Variants in SCN8A observed in about 807,000 individuals in gnomAD.
SCN8A encodes sodium voltage-gated channel alpha subunit 8.
In SCN8A, 30 loss-of-function variants were observed where a neutral mutation model predicts 184.1. That is an observed-to-expected ratio of 0.16 (90% confidence interval 0.12 to 0.22). The LOEUF (loss-of-function observed/expected upper bound fraction) is 0.22. Among genes scored for constraint, SCN8A ranks in the 10% least tolerant of loss-of-function variants. The pLI is 1.00. For synonymous variants in SCN8A, 852 were observed against 907.0 expected, an observed-to-expected ratio of 0.94 and a Z score of 1.09; for missense variants, 1,057 against 2,498.9, an observed-to-expected ratio of 0.42 and a Z score of 12.30.
chr12:51,744,400 T>C (rs1942476030), intron 12 of SCN8A, among the ~76,000 whole-genome samples: 1 of 152,180 alleles, frequency 6.6e-6, no homozygotes, highest in Non-Finnish European at 1.5e-5. Flanking sequence ...TCTTCTCTCC[T>C]TTTTCCACAG....
At chr12:51,620,621 C>A (rs1939939508) in intron 1 of SCN8A, among the ~76,000 whole-genome samples, 1 of 151,748 alleles carries the variant, frequency 6.6e-6, no homozygotes, top group South Asian at 2.1e-4. Flanking sequence ...GCAATCATTG[C>A]ATAAAACATT....
intron 12 of SCN8A, among the ~76,000 whole-genome samples, chr12:51,743,501 C>A (rs1942459366): frequency 1.3e-5 from 2 of 152,176 alleles, no homozygotes; most frequent in African/African-American, 4.8e-5. Flanking sequence ...AAGATTTGTT[C>A]TTTTTCCTCA....
intron 1 of SCN8A, among the ~76,000 whole-genome samples, chr12:51,656,325 A>G (rs2138661247): frequency 6.6e-6 from 1 of 152,330 alleles, no homozygotes; most frequent in South Asian, 2.1e-4. Context: ...GGTTTTCAAA[A>G]CTAAATGAGA....
Position 51,810,149 on chromosome 12 carries a change from C to A in SCN8A, c.*2720C>A. ...CCCTCCGCTAGCTCCTGACCCCAGCCCAGCAGGCTGTCTCCTCAGTAACAC... is the reference window on the plus strand; with the variant it reads ...CCCTCCGCTAGCTCCTGACCCCAGCACAGCAGGCTGTCTCCTCAGTAACAC... On this transcript the variant is annotated 3_prime_UTR_variant, in exon 27 of 27. Coordinates refer to ENST00000627620, the MANE Select transcript of SCN8A (RefSeq NM_001330260.2). The A allele has an allele frequency of 4.9e-6, 1 of 204,468 alleles. No individual in the cohort carries two copies. Among genetic ancestry groups the A allele is most frequent in the Non-Finnish European group, 1.0e-5 (1 of 97,302 alleles). 12.7% of individuals were successfully genotyped at this position (204,468 alleles called of 1,614,324 possible).
Position 51,702,885 on chromosome 12 carries a change from C to A in SCN8A, c.1105C>A (p.Gln369Lys). 1 of 1,602,176 alleles carries A rather than the reference C, an allele frequency of 6.2e-7. No homozygotes were observed. Among genetic ancestry groups the A allele is most frequent in the Non-Finnish European group, 8.5e-7 (1 of 1,173,688 alleles). Reference sequence around the variant, plus strand: ...CTTGGCATTATTTCGCCTTATGACCCAGGACTATTGGGAAAACTTGTATCA... The same window carrying A: ...CTTGGCATTATTTCGCCTTATGACCAAGGACTATTGGGAAAACTTGTATCA... ...AFLALFRLMTQDYWENLYQLT... is the reference protein window; with the variant it reads ...AFLALFRLMTKDYWENLYQLT... Residue 369 changes from glutamine to lysine, a missense_variant, in exon 9 of 27, where the codon CAG becomes AAG. Physicochemically the swap from Gln to Lys is moderately conservative, Grantham distance 53. This residue lies in a region of SCN8A where 27 missense variants were observed against 150.1 expected (regional missense o/e 0.18). Transcript: ENST00000627620.
intron 1 of SCN8A, among the ~76,000 whole-genome samples, chr12:51,639,257 C>A (rs1014745822): frequency 1.3e-5 from 2 of 152,074 alleles, no homozygotes; most frequent in Non-Finnish European, 2.9e-5. Flanking sequence ...GGGATTACAG[C>A]GTGCTGGGCT....
chr12:51,632,468 A>AC (rs1940217430), intron 1 of SCN8A, among the ~76,000 whole-genome samples: 1 of 151,934 alleles, frequency 6.6e-6, no homozygotes, highest in Non-Finnish European at 1.5e-5. Flanking sequence ...TTGTGGCTGT[A>AC]CTCTTATGTC....
intron 12 of SCN8A, chr12:51,722,247 C>CT (rs1001272475): frequency 7.2e-6 from 3 of 418,524 alleles, no homozygotes; most frequent in African/African-American, 4.1e-5. Context: ...TTCTCTCCAT[C>CT]TTTATCTTTG....
chr12:51,735,777 T>A (rs887991915), intron 12 of SCN8A, among the ~76,000 whole-genome samples: 3 of 152,208 alleles, frequency 2.0e-5, no homozygotes, highest in African/African-American at 7.2e-5. Context: ...AGTCTCTTCC[T>A]CGGCATCTGG....
intron 26 of SCN8A, among the ~76,000 whole-genome samples, chr12:51,798,595 G>T (rs531164544): frequency 6.6e-6 from 1 of 152,202 alleles, no homozygotes; most frequent in Non-Finnish European, 1.5e-5. Flanking sequence ...GTCCATGTTG[G>T]TGAGCCCATG....
At chr12:51,717,985 G>A (rs917820652) in intron 11 of SCN8A, among the ~76,000 whole-genome samples, 7 of 152,138 alleles carry the variant, frequency 4.6e-5, no homozygotes, top group Non-Finnish European at 8.8e-5. Flanking sequence ...TACATAACAC[G>A]TGAAAGATAC....
chr12:51,757,687 C>A (rs762800788), intron 14 of SCN8A, among the ~76,000 whole-genome samples: 2 of 152,070 alleles, frequency 1.3e-5, no homozygotes, highest in East Asian at 3.9e-4. Flanking sequence ...TTTGGGAGGC[C>A]GAGGTGAGAG....
At chr12:51,746,098 A>G in intron 13 of SCN8A, 63 bp downstream of exon 13, 1 of 1,444,214 alleles carries the variant, frequency 6.9e-7, no homozygotes, top group Non-Finnish European at 9.3e-7. Context: ...CATGGTAAAT[A>G]TAATCCCTGT....
chr12:51,627,971 C>G (rs1183428919), intron 1 of SCN8A, among the ~76,000 whole-genome samples: 1 of 152,056 alleles, frequency 6.6e-6, no homozygotes, highest in Non-Finnish European at 1.5e-5. Context: ...CAAATAAAAC[C>G]TTTGGAGACT....
rs771098374 is a variant in SCN8A at position 51,769,182 on chromosome 12, C to T, written c.3219C>T (p.Ser1073=). The T allele has an allele frequency of 1.8e-5, 29 of 1,613,580 alleles. No homozygotes were observed. Among genetic ancestry groups the T allele is most frequent in the South Asian group, 8.8e-5 (8 of 91,028 alleles). ...GCACAACCAGCGGCATTGGCAGCAG[C>T]GTGGAGAAGTACATCATTGATGAGG... ...GNGTTSGIGS[S]VEKYIIDEDH... The change falls in exon 17 of 27, where the codon AGC becomes AGT. Residue 1073 remains serine (S), a synonymous_variant. Transcript: ENST00000627620.
intron 1 of SCN8A, among the ~76,000 whole-genome samples, chr12:51,644,671 G>A (rs949750498): frequency 6.6e-6 from 1 of 152,152 alleles, no homozygotes; most frequent in African/African-American, 2.4e-5. Context: ...TCTGGGAAGT[G>A]AGGAGCGTCT....
intron 1 of SCN8A, among the ~76,000 whole-genome samples, chr12:51,645,956 A>T (rs1940577181): frequency 2.6e-5 from 1 of 38,048 alleles, no homozygotes; most frequent in African/African-American, 7.9e-5. Flanking sequence ...CAATTAAAAA[A>T]AAAAAAAAAT....
intron 8 of SCN8A, 32 bp downstream of exon 8, chr12:51,701,239 C>T (rs767172275): frequency 2.1e-6 from 3 of 1,449,406 alleles, no homozygotes; most frequent in Non-Finnish European, 2.8e-6. Flanking sequence ...ATTCTCTTTC[C>T]TTAAAATAAT....
At chr12:51,762,181 G>A (rs937341698) in intron 14 of SCN8A, among the ~76,000 whole-genome samples, 1 of 152,068 alleles carries the variant, frequency 6.6e-6, no homozygotes, top group Non-Finnish European at 1.5e-5. Flanking sequence ...AATGACTGCT[G>A]ACCCTTTGAA....
Sources: allele counts gnomAD v4.1 joint callset (sites outside exome capture counted in the v4.1 genomes callset), GRCh38; gene constraint gnomAD v4.1.1; regional missense constraint gnomAD v4.1.1; transcripts MANE v1.5; gene names NCBI Gene and HGNC (gene_info 2026-07-23, HGNC 2026-07-21).